Variants in NHSL2 observed in about 807,000 individuals in gnomAD.
NHSL2 encodes NHS like 2.
Under a neutral mutation model 53.4 loss-of-function variants are expected in NHSL2, and 27 were observed. That is an observed-to-expected ratio of 0.51 (90% CI 0.37 to 0.70). The LOEUF (loss-of-function observed/expected upper bound fraction) is 0.70. NHSL2 is among the 30% of genes least tolerant of loss of function. NHSL2 has a pLI of 0.00. For missense variants in NHSL2, 892 were observed against 980.1 expected (o/e 0.91, Z 1.20); for synonymous variants, 408 against 404.1 (o/e 1.01, Z -0.12).
At chrX:71,911,634 C>T (rs991829371) in intron 1 of NHSL2, among the ~76,000 whole-genome samples, 35 of 112,693 alleles carry the variant, frequency 3.1e-4, no homozygotes, top group African/African-American at 1.0e-3. Context: ...GGTTGGTGGC[C>T]GCCTCCTGGG....
chrX:72,083,688 T>G (rs1406128906), intron 1 of NHSL2, among the ~76,000 whole-genome samples: 1 of 112,024 alleles, frequency 8.9e-6, no homozygotes, highest in East Asian at 2.8e-4. Flanking sequence ...ATTTATTTGT[T>G]TAAGAAAAAA....
At chrX:71,984,362 G>C (rs2041993851) in intron 1 of NHSL2, among the ~76,000 whole-genome samples, 1 of 112,238 alleles carries the variant, frequency 8.9e-6, no homozygotes, top group Admixed American at 9.4e-5. Flanking sequence ...TTCCACAATA[G>C]TAAAGCAAAA....
At chrX:71,946,501 G>A (rs1423634510) in intron 1 of NHSL2, among the ~76,000 whole-genome samples, 3 of 111,601 alleles carry the variant, frequency 2.7e-5, no homozygotes, top group South Asian at 7.7e-4. Flanking sequence ...CCAAGCCTTG[G>A]TAAATGCTAA....
chrX:72,152,377 A>G lies in NHSL2; in HGVS notation c.*8803A>G, dbSNP rs2042522930. On this transcript the variant is annotated 3_prime_UTR_variant, in exon 8 of 8. Transcript: ENST00000633930. The stretch of plus-strand genomic sequence containing the variant: ...CGCGCGCACACACACACACACACAC[A>G]CACACACACACACAGTCCAGCACCC... 1 of 106,919 alleles carries G rather than the reference A, an allele frequency of 9.4e-6. No individual in the cohort carries two copies. Among genetic ancestry groups the G allele is most frequent in the Non-Finnish European group, 2.0e-5 (1 of 51,130 alleles). 8.8% of individuals were successfully genotyped at this position (106,919 alleles called of 1,213,427 possible). A position where few individuals can be genotyped will look rare whatever the true frequency, so the allele number is the denominator to read the frequency against.
chrX:72,116,204 G>A (rs1451331323), intron 1 of NHSL2, among the ~76,000 whole-genome samples: 1 of 111,933 alleles, frequency 8.9e-6, no homozygotes, highest in Non-Finnish European at 1.9e-5. Context: ...AGTGCCTAGA[G>A]CAATGCCTGT....
At chrX:71,919,067 T>C (rs2147811091) in intron 1 of NHSL2, among the ~76,000 whole-genome samples, 1 of 112,316 alleles carries the variant, frequency 8.9e-6, no homozygotes, top group African/African-American at 3.2e-5. Context: ...ATGCTGACAA[T>C]GATTATCTCA....
intron 1 of NHSL2, among the ~76,000 whole-genome samples, chrX:72,021,642 A>G (rs748772037): frequency 3.6e-5 from 4 of 111,762 alleles, no homozygotes; most frequent in East Asian, 5.6e-4. Context: ...GCTCTCCACG[A>G]TATCATCCCT....
chrX:71,930,654 T>A (rs1407459178), intron 1 of NHSL2, among the ~76,000 whole-genome samples: 1 of 112,589 alleles, frequency 8.9e-6, no homozygotes, highest in Non-Finnish European at 1.9e-5. Context: ...TGTAGTCTTT[T>A]GTGTCTGGCT....
At chrX:72,106,341 G>C (rs1391705700) in intron 1 of NHSL2, among the ~76,000 whole-genome samples, 5 of 112,087 alleles carry the variant, frequency 4.5e-5, no homozygotes. Context: ...CTGAAGTTCA[G>C]GTTTTTTTGT....
intron 7 of NHSL2, among the ~76,000 whole-genome samples, chrX:72,142,596 T>C (rs1054823468): frequency 1.5e-4 from 17 of 111,058 alleles, no homozygotes; most frequent in African/African-American, 4.9e-4. Flanking sequence ...CTGACATCGT[T>C]GGGTAAAGTG....
chrX:72,130,926 C>T, intron 1 of NHSL2: 1 of 1,211,724 alleles, frequency 8.3e-7, no homozygotes, highest in Non-Finnish European at 1.1e-6. Context: ...CCTGGGTGAC[C>T]GAGATGGCCC....
At chrX:72,074,146 G>A (rs1282767512) in intron 1 of NHSL2, among the ~76,000 whole-genome samples, 1 of 109,778 alleles carries the variant, frequency 9.1e-6, no homozygotes, top group African/African-American at 3.3e-5. Context: ...GCAAGCAACC[G>A]AATCAGCACT....
chrX:71,982,500 T>C (rs927423373), intron 1 of NHSL2, among the ~76,000 whole-genome samples: 3 of 112,004 alleles, frequency 2.7e-5, no homozygotes, highest in African/African-American at 9.8e-5. Context: ...AGCCCAAGAA[T>C]AGGGACTGGT....
intron 1 of NHSL2, among the ~76,000 whole-genome samples, chrX:72,067,545 G>A (rs1016154905): frequency 4.5e-5 from 5 of 112,120 alleles, no homozygotes; most frequent in African/African-American, 1.6e-4. Context: ...ATGGATAAGA[G>A]GTCAGGAACC....
At chrX:72,142,401 C>T in intron 7 of NHSL2, 37 bp downstream of exon 7, 1 of 1,044,184 alleles carries the variant, frequency 9.6e-7, no homozygotes, top group Non-Finnish European at 1.3e-6. Context: ...TTGCAATTGC[C>T]TTCCCTTTTT....
Position 72,145,818 on chromosome X carries a change from C to T in NHSL2, c.*2244C>T, listed in dbSNP as rs2042459727. On this transcript the variant is annotated 3_prime_UTR_variant, in exon 8 of 8. Coordinates refer to ENST00000633930, the MANE Select transcript of NHSL2 (RefSeq NM_001013627.3). ...TACTTCTAATGGGTTTTGCCTCTCC[C>T]CTCACCTTGCTACCTCTGGAGGTTT... 8.9e-6 allele frequency: 1 copy of T among 112,234 alleles called. No homozygotes were observed. The highest frequency in any genetic ancestry group is 1.9e-5 in the Non-Finnish European group (1 of 53,257). The allele number at this position is 112,234 out of a possible 1,213,427, so 9.2% of individuals were successfully genotyped here.
intron 1 of NHSL2, among the ~76,000 whole-genome samples, chrX:71,944,816 A>G (rs1327352201): frequency 1.8e-5 from 2 of 112,520 alleles, no homozygotes; most frequent in Admixed American, 1.9e-4. Context: ...TATTTATTAT[A>G]GCAAGAAATA....
At chrX:72,134,336 T>C in intron 3 of NHSL2, 118 bp downstream of exon 3, 2 of 897,938 alleles carry the variant, frequency 2.2e-6, no homozygotes, top group Admixed American at 3.2e-5. Flanking sequence ...AGAGCTACCC[T>C]GAGGCCCCAC....
Position 72,055,575 on chromosome X carries a change from A to G in NHSL2, c.281-76504A>G, listed in dbSNP as rs185490143. Among the ~76,000 whole-genome samples the G allele has an allele frequency of 1.4e-3, 156 of 112,170 alleles. 1 individual carries two copies. Among genetic ancestry groups the G allele is most frequent in the Middle Eastern group, 4.6e-3 (1 of 217 alleles). ...TAAGGTGGCTTATAAGATACATCCTATACTTGGAGAGAACCTAAATTAGAT... is the reference window on the plus strand; with the variant it reads ...TAAGGTGGCTTATAAGATACATCCTGTACTTGGAGAGAACCTAAATTAGAT... On this transcript the variant is annotated intron_variant, in intron 1 of 7. Coordinates refer to ENST00000633930, the MANE Select transcript of NHSL2 (RefSeq NM_001013627.3).
Sources: gnomAD v4.1 joint callset for allele counts (sites outside exome capture counted in the v4.1 genomes callset) on GRCh38, gnomAD v4.1.1 for gene constraint, MANE v1.5 for transcripts, NCBI Gene and HGNC (gene_info 2026-07-23, HGNC 2026-07-21) for gene names.